PIEZO2: variants seen among roughly 807,000 people sequenced by gnomAD.
PIEZO2 encodes the protein piezo-type mechanosensitive ion channel component 2.
In PIEZO2, 172 loss-of-function variants were observed where a neutral mutation model predicts 337.3. That is an observed-to-expected ratio of 0.51 (90% CI 0.45 to 0.58). The LOEUF is 0.58. Among genes scored for constraint, PIEZO2 ranks in the 20% least tolerant of loss-of-function variants. PIEZO2 has a pLI of 0.00. For synonymous variants in PIEZO2, 1,251 were observed against 1,228.5 expected (o/e 1.02, Z -0.38); for missense variants, 3,028 against 3,391.3 (o/e 0.89, Z 2.66).
At position 10,731,437 on chromosome 18, in the gene PIEZO2, GTTC is replaced by G. The variant is rs1302058078; in HGVS notation, c.4996_4998del (p.Glu1666del). On this transcript the variant is annotated inframe_deletion, in exon 36 of 56. Transcript: ENST00000674853. Reference sequence around the variant, plus strand: ...TTGGATCCTTTCCGCCTTCGTTTCCGTTCTTCTCTTGCAGACCTTTTTTTCTCT... The same window carrying G: ...TTGGATCCTTTCCGCCTTCGTTTCCGTTCTCTTGCAGACCTTTTTTTCTCT... 4.6e-6 allele frequency: 7 copies of G among 1,534,904 alleles called. No individual in the cohort carries two copies. Among genetic ancestry groups the G allele is most frequent in the Non-Finnish European group, 6.1e-6 (7 of 1,146,022 alleles).
chr18:10,917,571 T>C (rs1360775730), intron 3 of PIEZO2, among the ~76,000 whole-genome samples: 1 of 152,200 alleles, frequency 6.6e-6, no homozygotes. Flanking sequence ...GGTTACCTAA[T>C]GTAGTGGTAA....
chr18:10,753,965 T>C (rs2037743915), intron 27 of PIEZO2, among the ~76,000 whole-genome samples: 1 of 152,214 alleles, frequency 6.6e-6, no homozygotes, highest in Non-Finnish European at 1.5e-5. Context: ...AGGTAGTGAT[T>C]TGCATGAGCC....
chr18:10,957,601 C>T (rs9950069), intron 3 of PIEZO2, among the ~76,000 whole-genome samples: 10,182 of 152,126 alleles, frequency 0.067, 733 homozygotes, highest in African/African-American at 0.19. Flanking sequence ...CCACATTAGT[C>T]TGTGTAGTGA....
At chr18:10,944,556 G>T (rs1010622194) in intron 3 of PIEZO2, among the ~76,000 whole-genome samples, 8 of 107,806 alleles carry the variant, frequency 7.4e-5, no homozygotes, top group East Asian at 2.6e-4. Context: ...CTTAGTAACA[G>T]ATATATATAT....
chr18:10,726,382 G>A lies in PIEZO2; in HGVS notation c.5029+5025C>T. On this transcript the variant is annotated intron_variant, in intron 36 of 55. Transcript: ENST00000674853. This position sits in a 1 kb window ranked among gnomAD's most constrained non-coding sequence, Gnocchi z 5.9. Reference sequence around the variant, plus strand: ...TTCCCCGCAGGCACCCACTACCTGCGGGGCGGTAACAACGCGCGCCAGCCG... The same window carrying A: ...TTCCCCGCAGGCACCCACTACCTGCAGGGCGGTAACAACGCGCGCCAGCCG... The A allele has an allele frequency of 2.6e-6, 4 of 1,521,652 alleles. No individual in the cohort carries two copies. The highest frequency in any genetic ancestry group is 3.5e-6 in the Non-Finnish European group (4 of 1,141,312). 94.3% of individuals were successfully genotyped at this position (1,521,652 alleles called of 1,614,324 possible).
intron 1 of PIEZO2, among the ~76,000 whole-genome samples, chr18:11,147,431 C>T (rs1230604175): frequency 6.6e-6 from 1 of 152,222 alleles, no homozygotes; most frequent in Non-Finnish European, 1.5e-5. Flanking sequence ...CTGACCCTCA[C>T]CAATCACGCT....
At chr18:11,072,890 C>T (rs1433953725) in intron 1 of PIEZO2, among the ~76,000 whole-genome samples, 1 of 152,224 alleles carries the variant, frequency 6.6e-6, no homozygotes, top group Non-Finnish European at 1.5e-5. Flanking sequence ...CAGGCAACAA[C>T]TGCTTCTTTA....
At chr18:11,103,624 C>T (rs2039478725) in intron 1 of PIEZO2, among the ~76,000 whole-genome samples, 2 of 152,186 alleles carry the variant, frequency 1.3e-5, no homozygotes, top group African/African-American at 4.8e-5. Flanking sequence ...AGAATTTCCA[C>T]TGTGACCATA....
At chr18:11,141,916 T>C (rs1053844604) in intron 1 of PIEZO2, among the ~76,000 whole-genome samples, 13 of 152,230 alleles carry the variant, frequency 8.5e-5, no homozygotes, top group Non-Finnish European at 4.4e-5. Context: ...GCCTAAGTAG[T>C]TTCTGCAGAA....
At chr18:10,998,872 A>G (rs888304103) in intron 2 of PIEZO2, among the ~76,000 whole-genome samples, 2 of 151,680 alleles carry the variant, frequency 1.3e-5, no homozygotes, top group Admixed American at 6.6e-5. Context: ...AAAAAAAAAA[A>G]AAAAAAAGAA....
At chr18:10,990,530 C>G (rs2145551059) in intron 2 of PIEZO2, among the ~76,000 whole-genome samples, 1 of 152,030 alleles carries the variant, frequency 6.6e-6, no homozygotes, top group South Asian at 2.1e-4. Flanking sequence ...ATCAGACAAG[C>G]CCCAAGCCCT....
intron 3 of PIEZO2, among the ~76,000 whole-genome samples, chr18:10,933,515 G>A (rs572679890): frequency 2.0e-5 from 3 of 152,204 alleles, no homozygotes; most frequent in South Asian, 2.1e-4. Context: ...ACAGAGTCCC[G>A]CTACCGTGGG....
chr18:10,749,202 G>A (rs188718371), intron 29 of PIEZO2, among the ~76,000 whole-genome samples: 3 of 152,268 alleles, frequency 2.0e-5, no homozygotes, highest in Admixed American at 6.5e-5. Context: ...GTTCATGCTT[G>A]TAATCCCAGC....
rs559104079 is a variant in PIEZO2, at chr18:10,945,727, G to A, written c.286+33808C>T. 4.3e-4 allele frequency among the ~76,000 whole-genome samples: 65 copies of A among 152,270 alleles called. No individual in the cohort carries two copies. Among genetic ancestry groups the A allele is most frequent in the Non-Finnish European group, 7.9e-4 (54 of 68,016 alleles). ...AATCAATCAAAATCTTCCCAGAACT[G>A]CCAAAGGTGTTCAAATTGGAAGGCA... On this transcript the variant is annotated intron_variant, in intron 3 of 55. Transcript: ENST00000674853. This position sits in a 1 kb window ranked among gnomAD's most constrained non-coding sequence, Gnocchi z 4.0.
chr18:10,787,511 G>A (rs1003684992), intron 15 of PIEZO2, among the ~76,000 whole-genome samples: 1 of 152,128 alleles, frequency 6.6e-6, no homozygotes, highest in Admixed American at 6.5e-5. Flanking sequence ...GGGCGCTCAA[G>A]GAACAGTAGG....
At chr18:10,695,911 G>A (rs546152211) in intron 47 of PIEZO2, among the ~76,000 whole-genome samples, 163 bp downstream of exon 47, 29 of 152,320 alleles carry the variant, frequency 1.9e-4, no homozygotes, top group Admixed American at 5.9e-4. Flanking sequence ...TTGGATTTGC[G>A]TTGACTATTG....
chr18:10,959,593 T>A (rs868483152), intron 3 of PIEZO2, among the ~76,000 whole-genome samples: 1 of 152,190 alleles, frequency 6.6e-6, no homozygotes, highest in Non-Finnish European at 1.5e-5. Flanking sequence ...GTATTGCGTA[T>A]GTATGCCAAC....
At chr18:10,839,464 G>A (rs1241052199) in intron 7 of PIEZO2, among the ~76,000 whole-genome samples, 1 of 152,188 alleles carries the variant, frequency 6.6e-6, no homozygotes, top group Non-Finnish European at 1.5e-5. Flanking sequence ...ACTCAACCAT[G>A]GTAGAATGGT....
chr18:10,748,343 G>T lies in PIEZO2; in HGVS notation c.4424+128C>A. On this transcript the variant is annotated intron_variant, in intron 30 of 55. Transcript: ENST00000674853. This position sits in a 1 kb window ranked among gnomAD's most constrained non-coding sequence, Gnocchi z 5.1. ...CCTTGTGCTAAATTCTTCTTGGATT[G>T]GTTTTGCTGGAAGGGATTTCTTAAC... is the stretch of plus-strand genomic sequence containing the variant. 3.4e-6 allele frequency: 3 copies of T among 889,790 alleles called. No homozygotes were observed. The highest frequency in any genetic ancestry group is 5.0e-6 in the Non-Finnish European group (3 of 595,968). 55.1% of individuals were successfully genotyped at this position (889,790 alleles called of 1,614,324 possible).
Sources: gnomAD v4.1 joint callset for allele counts (sites outside exome capture counted in the v4.1 genomes callset) on GRCh38, gnomAD v4.1.1 for gene constraint, Gnocchi (gnomAD v3.1) non-coding constraint, MANE v1.5 for transcripts, NCBI Gene and HGNC (gene_info 2026-07-23, HGNC 2026-07-21) for gene names.